TEX10: variants seen among roughly 807,000 people sequenced by gnomAD.
TEX10 encodes the protein testis-expressed protein 10.
In TEX10, 24 loss-of-function variants were observed where a neutral mutation model predicts 104.4. The observed-to-expected ratio is 0.23, with a 90% CI of 0.17 to 0.32. The LOEUF (loss-of-function observed/expected upper bound fraction) is 0.32, where lower values mean the gene tolerates loss of function less well. Among genes scored for constraint, TEX10 ranks in the 10% least tolerant of loss-of-function variants. The pLI, the probability that TEX10 is intolerant of heterozygous loss-of-function variation, is 1.00. For synonymous variants in TEX10, 396 were observed against 393.4 expected, an observed-to-expected ratio of 1.01 and a Z score of -0.08; for missense variants, 921 against 1,083.9, an observed-to-expected ratio of 0.85 and a Z score of 2.11.
Position 100,302,154 on chromosome 9 carries a change from G to T in TEX10, c.*37C>A. On this transcript the variant is annotated 3_prime_UTR_variant, in exon 15 of 15. Transcript: ENST00000374902. ...CTTTTTCTTCAAATAAGATAGATGTGAATAAACAACTTCAAACAGGAGGTA... is the reference window on the plus strand; with the variant it reads ...CTTTTTCTTCAAATAAGATAGATGTTAATAAACAACTTCAAACAGGAGGTA... The T allele has an allele frequency of 7.9e-7, 1 of 1,258,970 alleles. No homozygotes were observed. Among genetic ancestry groups the T allele is most frequent in the Non-Finnish European group, 1.1e-6 (1 of 899,762 alleles). 78.0% of individuals were successfully genotyped at this position (1,258,970 alleles called of 1,614,324 possible).
chr9:100,333,949 CT>C (rs1834940343), intron 5 of TEX10, among the ~76,000 whole-genome samples: 1 of 152,030 alleles, frequency 6.6e-6, no homozygotes, highest in Non-Finnish European at 1.5e-5. Context: ...ATTCAATGGA[CT>C]TATGTTTGAC....
chr9:100,304,378 CAGAT>C (rs1834091702), intron 13 of TEX10: 1 of 157,250 alleles, frequency 6.4e-6, no homozygotes, highest in Non-Finnish European at 1.4e-5. Context: ...GAACAACAGA[CAGAT>C]AAACCAATGG....
intron 1 of TEX10, among the ~76,000 whole-genome samples, chr9:100,352,115 T>C (rs940176308): frequency 1.3e-5 from 2 of 152,216 alleles, no homozygotes; most frequent in Admixed American, 6.5e-5. Flanking sequence ...CTTCTTACCC[T>C]TCCTCATTTC....
chr9:100,312,026 C>T (rs149989683), intron 11 of TEX10, among the ~76,000 whole-genome samples: 105 of 152,194 alleles, frequency 6.9e-4, no homozygotes, highest in African/African-American at 2.4e-3. Context: ...TGTAAAATAT[C>T]TTGTAGATAT....
intron 4 of TEX10, among the ~76,000 whole-genome samples, chr9:100,342,438 A>T (rs1333668863): frequency 2.0e-5 from 3 of 152,130 alleles, no homozygotes; most frequent in Non-Finnish European, 4.4e-5. Context: ...TATTCAAAAG[A>T]CCTTTCTGTA....
At chr9:100,333,389 A>T (rs1302465806) in intron 5 of TEX10, among the ~76,000 whole-genome samples, 5 of 152,244 alleles carry the variant, frequency 3.3e-5, no homozygotes, top group African/African-American at 1.2e-4. Flanking sequence ...TTCCTAAACT[A>T]ATCTATAGAT....
At chr9:100,307,591 A>C (rs1454727290) in intron 13 of TEX10, 1 of 152,260 alleles carries the variant, frequency 6.6e-6, no homozygotes, top group East Asian at 1.9e-4. Flanking sequence ...AACAAACCTG[A>C]TACTGTTCAC....
intron 5 of TEX10, among the ~76,000 whole-genome samples, chr9:100,332,214 G>A (rs1834880336): frequency 1.3e-5 from 2 of 152,158 alleles, no homozygotes; most frequent in Admixed American, 6.5e-5. Context: ...TTTGTGTAGT[G>A]ATACATTCAG....
At chr9:100,316,056 CA>C (rs1834410299) in intron 11 of TEX10, among the ~76,000 whole-genome samples, 1 of 152,184 alleles carries the variant, frequency 6.6e-6, no homozygotes, top group South Asian at 2.1e-4. Flanking sequence ...AGTCACTTTA[CA>C]TAAGTCCCAA....
At chr9:100,312,513 TTA>T (rs1834306156) in intron 11 of TEX10, among the ~76,000 whole-genome samples, 1 of 152,296 alleles carries the variant, frequency 6.6e-6, no homozygotes, top group South Asian at 2.1e-4. Flanking sequence ...AATGACTACT[TTA>T]TGTCCAATAA....
intron 4 of TEX10, among the ~76,000 whole-genome samples, chr9:100,341,518 CCTTG>C (rs1587740051): frequency 1.3e-5 from 2 of 152,020 alleles, no homozygotes; most frequent in East Asian, 3.9e-4. Flanking sequence ...CTGGCATCAT[CCTTG>C]ACTCCTCTTT....
chr9:100,330,204 A>T (rs775743364), intron 5 of TEX10, 35 bp from the exon 6 acceptor site: 2 of 1,405,152 alleles, frequency 1.4e-6, no homozygotes, highest in Non-Finnish European at 2.0e-6. Flanking sequence ...ATAAAGCATT[A>T]CGTCTACCAT....
At chr9:100,315,601 C>T (rs1173755081) in intron 11 of TEX10, among the ~76,000 whole-genome samples, 1 of 152,168 alleles carries the variant, frequency 6.6e-6, no homozygotes, top group Non-Finnish European at 1.5e-5. Context: ...TACTCCTGCT[C>T]ACTTGTGGTT....
rs6479012 is a variant in TEX10 at position 100,326,492 on chromosome 9, A to G, written c.1802-13T>C. 2.6e-3 allele frequency: 4,086 copies of G among 1,599,092 alleles called. 100 individuals are homozygous for G. In the African/African-American group the frequency reaches 0.05, roughly 20 times the overall value. ...CCTTCTTGTGGATCTAGTGAGGTGG[A>G]TAGACATATTAAAAACAACTATAAA... On this transcript the variant is annotated splice_polypyrimidine_tract_variant and intron_variant, in intron 8 of 14. Transcript: ENST00000374902.
chr9:100,302,341 C>G, intron 14 of TEX10, 37 bp from the exon 15 acceptor site: 1 of 1,448,166 alleles, frequency 6.9e-7, no homozygotes, highest in Non-Finnish European at 9.6e-7. Context: ...AGAACTGCAC[C>G]CAAATCACTA....
chr9:100,322,257 A>C (rs1443692398), intron 9 of TEX10, among the ~76,000 whole-genome samples: 2 of 152,244 alleles, frequency 1.3e-5, no homozygotes, highest in Non-Finnish European at 2.9e-5. Flanking sequence ...ATGTGTTCTT[A>C]TTCTTAGTAA....
Position 100,327,833 on chromosome 9 carries a change from A to G in TEX10, c.1755T>C (p.Asn585=), listed in dbSNP as rs377637179. ...DIIHTAAARA[N]KELLKSLQAT... is the part of the protein sequence containing the mutation. ...CTTGTAAACTTTTTAGTAATTCTTT[A>G]TTTGCTCGTGCTGCAGCGGTATGAA... is the stretch of plus-strand genomic sequence containing the variant. Residue 585 remains asparagine (N), a synonymous_variant, in exon 8 of 15, where the codon AAT becomes AAC. Coordinates refer to ENST00000374902, the MANE Select transcript of TEX10 (RefSeq NM_017746.4). 83 of 1,597,910 alleles carry G rather than the reference A, an allele frequency of 5.2e-5. 1 individual carries two copies. The African/African-American group carries it at 9.1e-4, about 18-fold the overall frequency.
chr9:100,325,666 G>A (rs1326861933), intron 9 of TEX10, among the ~76,000 whole-genome samples: 1 of 152,120 alleles, frequency 6.6e-6, no homozygotes, highest in African/African-American at 2.4e-5. Context: ...GAGTAGCTGG[G>A]ACTATAGGCA....
At chr9:100,302,934 C>T (rs1241751590) in intron 14 of TEX10, among the ~76,000 whole-genome samples, 1 of 145,940 alleles carries the variant, frequency 6.9e-6, no homozygotes, top group Non-Finnish European at 1.5e-5. Flanking sequence ...AACCGCCCCC[C>T]CCCCAAACTA....
Sources: allele counts gnomAD v4.1 joint callset (sites outside exome capture counted in the v4.1 genomes callset), GRCh38; gene constraint gnomAD v4.1.1; transcripts MANE v1.5; gene names NCBI Gene and HGNC (gene_info 2026-07-23, HGNC 2026-07-21).